TASOR2: variants seen among roughly 807,000 people sequenced by gnomAD.
The protein encoded by TASOR2 is transcription activation suppressor family member 2, also known as protein TASOR 2.
Under a neutral mutation model 199.5 loss-of-function variants are expected in TASOR2, and 84 were observed. That is an observed-to-expected ratio of 0.42 (90% confidence interval 0.35 to 0.50). The LOEUF (loss-of-function observed/expected upper bound fraction) is 0.50. Ranked by LOEUF, TASOR2 falls within the 20% of genes least tolerant of loss-of-function variation. TASOR2 has a pLI of 0.02. For synonymous variants in TASOR2, 1,103 were observed against 1,046.6 expected (o/e 1.05, Z -1.04); for missense variants, 2,796 against 2,835.9 (o/e 0.99, Z 0.32).
At chr10:5,759,585 A>G (rs894958730) in intron 18 of TASOR2, among the ~76,000 whole-genome samples, 2 of 152,250 alleles carry the variant, frequency 1.3e-5, no homozygotes, top group Non-Finnish European at 2.9e-5. Flanking sequence ...TGTTAGGTGC[A>G]TCCATTTTCA....
Position 5,739,784 on chromosome 10 carries a change from C to T in TASOR2, c.1614C>T (p.Ala538=), listed in dbSNP as rs760945404. Residue 538 remains alanine, a synonymous_variant, in exon 13 of 21, where the codon GCC becomes GCT. Coordinates refer to ENST00000328090, the Ensembl canonical transcript of TASOR2. The stretch of plus-strand genomic sequence containing the variant: ...ACTCCCAGGCCCTAAATATGTTAGC[C>T]GATCTAGCATTAAGCTCTGCTACTT... 24 of 1,614,002 alleles carry T rather than the reference C, an allele frequency of 1.5e-5. No homozygotes were observed. In the South Asian group the frequency reaches 1.9e-4, roughly 13 times the overall value.
In TASOR2 at chr10:5,738,247, T is replaced by G. The variant is rs1835899393; in HGVS notation, c.1448-1371T>G. On this transcript the variant is annotated intron_variant, in intron 12 of 20. Transcript: ENST00000328090. This position sits in a 1 kb window ranked among gnomAD's most constrained non-coding sequence, Gnocchi z 4.7. ...TCTTAAATAGAAATTATGGGTGGTG[T>G]TTTTTTAATTGGGAACCTGTAACAC... 6.6e-6 allele frequency among the ~76,000 whole-genome samples: 1 copy of G among 152,166 alleles called. No homozygotes were observed. The highest frequency in any genetic ancestry group is 1.5e-5 in the Non-Finnish European group (1 of 68,024).
chr10:5,711,988 C>T (rs1371927160), intron 1 of TASOR2, among the ~76,000 whole-genome samples: 1 of 148,876 alleles, frequency 6.7e-6, no homozygotes. Context: ...TCAAGTGTGG[C>T]GTATATATTT....
exon 15 of TASOR2, chr10:5,747,293 C>G (rs763436304): frequency 6.2e-7 from 1 of 1,614,132 alleles, no homozygotes; most frequent in Non-Finnish European, 8.5e-7. Flanking sequence ...ATATCACCAC[C>G]TACAAGTCCC....
intron 2 of TASOR2, among the ~76,000 whole-genome samples, chr10:5,717,027 CAAAAAA>C (rs71388471): frequency 1.6e-5 from 2 of 124,682 alleles, no homozygotes; most frequent in East Asian, 2.3e-4. Context: ...GCTTACATCT[CAAAAAA>C]AAAAAAAAAA....
intron 11 of TASOR2, among the ~76,000 whole-genome samples, chr10:5,733,369 A>G (rs1020848076): frequency 6.6e-6 from 1 of 152,084 alleles, no homozygotes; most frequent in African/African-American, 2.4e-5. Flanking sequence ...ATAGCCAGGT[A>G]TGGGGGCACT....
exon 15 of TASOR2, chr10:5,746,960 C>G (rs1489570491): frequency 6.2e-7 from 1 of 1,614,090 alleles, no homozygotes; most frequent in African/African-American, 1.3e-5. Flanking sequence ...GTGAGATGCA[C>G]TCAGGATTTC....
chr10:5,719,370 G>A lies in TASOR2; in HGVS notation c.-99-1174G>A. ...TTGTTTGTTTGTTTTTTGAGACAGA[G>A]TCTTGCTCTGTTGCCAGGCTGGAGT... is the stretch of plus-strand genomic sequence containing the variant. On this transcript the variant is annotated intron_variant, in intron 3 of 20. Transcript: ENST00000328090. This position sits in a 1 kb window ranked among gnomAD's most constrained non-coding sequence, Gnocchi z 4.1. Among the ~76,000 whole-genome samples, 1 of 152,074 alleles carries A rather than the reference G, an allele frequency of 6.6e-6. No homozygotes were observed. The highest frequency in any genetic ancestry group is 1.5e-5 in the Non-Finnish European group (1 of 68,028).
intron 18 of TASOR2, among the ~76,000 whole-genome samples, chr10:5,759,645 G>A (rs1839479232): frequency 6.6e-6 from 1 of 152,240 alleles, no homozygotes; most frequent in South Asian, 2.1e-4. Flanking sequence ...CTTTTATAAT[G>A]CAGAACTGAA....
Position 5,690,635 on chromosome 10 carries a change from G to A in TASOR2, c.-288+5460G>A, listed in dbSNP as rs1836315195. 6.6e-6 allele frequency among the ~76,000 whole-genome samples: 1 copy of A among 152,178 alleles called. No homozygotes were observed. The highest frequency in any genetic ancestry group is 1.5e-5 in the Non-Finnish European group (1 of 68,040). On this transcript the variant is annotated intron_variant, in intron 1 of 20. Transcript: ENST00000328090. The surrounding 1 kb of genome is among the most constrained non-coding windows in gnomAD (Gnocchi z 4.8). ...GTAATAATCAAGAGTACCCAAAAGT[G>A]GGTCTTGAAATATAATTGTTTCTGA... is the stretch of plus-strand genomic sequence containing the variant.
exon 13 of TASOR2, chr10:5,739,945 A>G: frequency 6.2e-7 from 1 of 1,614,154 alleles, no homozygotes; most frequent in Non-Finnish European, 8.5e-7. Flanking sequence ...AAAACTCAAA[A>G]AGGTGAATTA....
At chr10:5,762,930 G>C (rs561597605) in intron 20 of TASOR2, 99 bp from the exon 22 acceptor site, 3 of 1,101,790 alleles carry the variant, frequency 2.7e-6, no homozygotes, top group African/African-American at 3.2e-5. Flanking sequence ...TGTAACCTTA[G>C]AATGCATAGG....
chr10:5,709,096 T>A (rs1489478344), intron 1 of TASOR2, among the ~76,000 whole-genome samples: 1 of 152,212 alleles, frequency 6.6e-6, no homozygotes. Context: ...TGATATTGGA[T>A]GCATAATAGT....
intron 1 of TASOR2, chr10:5,709,801 A>T (rs1831679715): frequency 4.0e-6 from 3 of 745,838 alleles, no homozygotes; most frequent in Admixed American, 4.4e-5. Context: ...TATATTTTTT[A>T]AAATAATCAT....
rs1170200161 is a variant in TASOR2 at position 5,706,768 on chromosome 10, C to T, written c.-287-6055C>T. ...CTGTAATTCCAGCACTTTGGGAGGCCGAGGTATGCAGATCACTTGAGGCCA... is the reference window on the plus strand; with the variant it reads ...CTGTAATTCCAGCACTTTGGGAGGCTGAGGTATGCAGATCACTTGAGGCCA... On this transcript the variant is annotated intron_variant, in intron 1 of 20. Transcript: ENST00000328090. The surrounding 1 kb of genome is among the most constrained non-coding windows in gnomAD (Gnocchi z 4.8). 1.3e-5 allele frequency among the ~76,000 whole-genome samples: 2 copies of T among 152,026 alleles called. No homozygotes were observed. Among genetic ancestry groups the T allele is most frequent in the Non-Finnish European group, 2.9e-5 (2 of 68,012 alleles).
In TASOR2 at chr10:5,740,266, G is replaced by C; in HGVS notation, c.2096G>C (p.Arg699Pro). The change falls in exon 13 of 21, where the codon CGG (arginine) becomes CCG (proline). Residue 699 changes from arginine to proline, a missense_variant. Transcript: ENST00000328090. This position sits in a 1 kb window ranked among gnomAD's most constrained non-coding sequence, Gnocchi z 5.3. ...CCAGTGGGGAAAGTCATGCCATTTCGGCATCAGCCCGGCCTTTTGCTTCAG... is the reference window on the plus strand; with the variant it reads ...CCAGTGGGGAAAGTCATGCCATTTCCGCATCAGCCCGGCCTTTTGCTTCAG... The C allele has an allele frequency of 2.5e-6, 4 of 1,614,168 alleles. No homozygotes were observed. The highest frequency in any genetic ancestry group is 2.5e-6 in the Non-Finnish European group (3 of 1,180,032).
At chr10:5,744,344 C>G (rs1459725310) in intron 14 of TASOR2, among the ~76,000 whole-genome samples, 1 of 152,038 alleles carries the variant, frequency 6.6e-6, no homozygotes, top group Non-Finnish European at 1.5e-5. Flanking sequence ...CTCTTGTCTC[C>G]CAGGCTGGAG....
At chr10:5,716,424 AAAATT>A (rs1343584966) in intron 2 of TASOR2, among the ~76,000 whole-genome samples, 2 of 152,342 alleles carry the variant, frequency 1.3e-5, no homozygotes, top group East Asian at 3.9e-4. Flanking sequence ...ATAAAACAAA[AAAATT>A]TAAAGTTTAC....
intron 3 of TASOR2, among the ~76,000 whole-genome samples, chr10:5,718,064 T>G (rs1192406513): frequency 6.6e-6 from 1 of 152,166 alleles, no homozygotes; most frequent in Non-Finnish European, 1.5e-5. Context: ...GTGATTACAC[T>G]TATAAAAGAT....
Sources: allele counts gnomAD v4.1 joint callset (sites outside exome capture counted in the v4.1 genomes callset), GRCh38; gene constraint gnomAD v4.1.1; non-coding constraint Gnocchi (gnomAD v3.1); transcripts MANE v1.5; gene names NCBI Gene and HGNC (gene_info 2026-07-23, HGNC 2026-07-21).